PTPRD: variants seen among roughly 807,000 people sequenced by gnomAD.
PTPRD encodes the protein protein tyrosine phosphatase receptor type D, also known as receptor-type tyrosine-protein phosphatase delta.
A neutral mutation model predicts 214.5 loss-of-function variants in PTPRD; 34 were observed. The ratio of observed to expected loss-of-function variants is 0.16; its 90% CI spans 0.12 to 0.21. The LOEUF (loss-of-function observed/expected upper bound fraction) is 0.21. PTPRD is among the 10% of genes least tolerant of loss of function. The pLI, the probability that PTPRD is intolerant of heterozygous loss-of-function variation, is 1.00. For synonymous variants in PTPRD, 1,128 were observed against 845.7 expected, an observed-to-expected ratio of 1.33 and a Z score of -5.79; for missense variants, 2,545 against 2,398.7, an observed-to-expected ratio of 1.06 and a Z score of -1.27.
At chr9:8,460,853 G>A (rs1030086521) in intron 32 of PTPRD, among the ~76,000 whole-genome samples, 2 of 151,924 alleles carry the variant, frequency 1.3e-5, no homozygotes, top group East Asian at 1.9e-4. Context: ...TTTCTATATG[G>A]TGTATTAAAT....
intron 7 of PTPRD, among the ~76,000 whole-genome samples, chr9:9,617,941 G>A (rs1335704954): frequency 6.6e-6 from 1 of 151,060 alleles, no homozygotes; most frequent in Non-Finnish European, 1.5e-5. Flanking sequence ...GCATGGTGGC[G>A]GGCGCCTGCG....
intron 2 of PTPRD, among the ~76,000 whole-genome samples, chr9:10,525,656 C>G: frequency 6.6e-6 from 1 of 151,788 alleles, no homozygotes; most frequent in African/African-American, 2.4e-5. Flanking sequence ...TAAAAATATT[C>G]TCCACACATA....
chr9:9,609,485 CAG>C (rs934865639), intron 7 of PTPRD, among the ~76,000 whole-genome samples: 1 of 152,164 alleles, frequency 6.6e-6, no homozygotes, highest in Non-Finnish European at 1.5e-5. Flanking sequence ...GTTTTTGGGA[CAG>C]AGTCTCGCTC....
chr9:8,472,756 T>C (rs754824982), intron 30 of PTPRD, among the ~76,000 whole-genome samples: 1 of 152,238 alleles, frequency 6.6e-6, no homozygotes, highest in Non-Finnish European at 1.5e-5. Flanking sequence ...ATTTTTTCAC[T>C]GTTGCTACTA....
At chr9:9,810,065 C>T (rs865844632) in intron 5 of PTPRD, among the ~76,000 whole-genome samples, 2 of 148,950 alleles carry the variant, frequency 1.3e-5, no homozygotes, top group Admixed American at 6.7e-5. Flanking sequence ...CTTCCTCCTG[C>T]ACCTCCTCTT....
chr9:9,321,308 C>T (rs1357804803), intron 9 of PTPRD, among the ~76,000 whole-genome samples: 2 of 152,124 alleles, frequency 1.3e-5, no homozygotes, highest in Non-Finnish European at 2.9e-5. Flanking sequence ...GTAATCCCAA[C>T]ACTTTGGGAG....
intron 7 of PTPRD, among the ~76,000 whole-genome samples, chr9:9,683,240 A>G (rs946393591): frequency 6.6e-6 from 1 of 151,804 alleles, no homozygotes; most frequent in South Asian, 2.1e-4. Flanking sequence ...GAAGCTGAAC[A>G]TGAAGTATTA....
At chr9:10,466,253 C>T (rs72700904) in intron 2 of PTPRD, among the ~76,000 whole-genome samples, 18,761 of 152,086 alleles carry the variant, frequency 0.12, 1,266 homozygotes, top group African/African-American at 0.14. Context: ...ATTATACTAG[C>T]GAAATAATGG....
chr9:8,716,578 C>A (rs1026723405), intron 12 of PTPRD, among the ~76,000 whole-genome samples: 2 of 152,146 alleles, frequency 1.3e-5, no homozygotes, highest in South Asian at 2.1e-4. Flanking sequence ...TAGTCGCAGA[C>A]GAGATCCATC....
chr9:10,422,338 C>T (rs1371332647), intron 2 of PTPRD, among the ~76,000 whole-genome samples: 1 of 152,004 alleles, frequency 6.6e-6, no homozygotes, highest in Admixed American at 6.6e-5. Flanking sequence ...AAATGTTAGA[C>T]CTGAAACCAT....
chr9:9,977,159 T>C (rs1009011951), intron 4 of PTPRD, among the ~76,000 whole-genome samples: 4 of 152,200 alleles, frequency 2.6e-5, no homozygotes, highest in Admixed American at 1.3e-4. Context: ...TGCACTTTGG[T>C]GATGTCAGCT....
At position 9,910,715 on chromosome 9, in the gene PTPRD, G is replaced by C. The variant is rs182366138; in HGVS notation, c.-368+27792C>G. Reference sequence around the variant, plus strand: ...GTCATTTTCTTATTAATTACCATGAGATCATTTGATACAAAACTTGAGTTT... The same window carrying C: ...GTCATTTTCTTATTAATTACCATGACATCATTTGATACAAAACTTGAGTTT... On this transcript the variant is annotated intron_variant, in intron 5 of 45. Coordinates refer to ENST00000381196, the MANE Select transcript of PTPRD (RefSeq NM_002839.4). Among the ~76,000 whole-genome samples the C allele has an allele frequency of 3.3e-5, 5 of 152,018 alleles. No individual in the cohort carries two copies. In the East Asian group the frequency reaches 9.6e-4, roughly 29 times the overall value.
At chr9:10,156,074 ATGTTTG>A (rs1400719370) in intron 3 of PTPRD, among the ~76,000 whole-genome samples, 18 of 86,948 alleles carry the variant, frequency 2.1e-4, no homozygotes, top group Non-Finnish European at 3.2e-4. Flanking sequence ...GCTCTTTTGA[ATGTTTG>A]TGTGTGTGTG....
At chr9:9,314,606 G>A (rs543205206) in intron 9 of PTPRD, among the ~76,000 whole-genome samples, 1 of 152,124 alleles carries the variant, frequency 6.6e-6, no homozygotes, top group Admixed American at 6.5e-5. Flanking sequence ...TGTCTCCAGT[G>A]CCTAGTATAG....
intron 9 of PTPRD, among the ~76,000 whole-genome samples, chr9:9,301,017 C>G (rs565492069): frequency 6.6e-6 from 1 of 151,856 alleles, no homozygotes; most frequent in Non-Finnish European, 1.5e-5. Flanking sequence ...TATTGTTCAT[C>G]TATGTCTCAA....
intron 2 of PTPRD, among the ~76,000 whole-genome samples, chr9:10,388,807 G>A (rs115300447): frequency 0.017 from 2,542 of 151,782 alleles, 72 homozygotes; most frequent in African/African-American, 0.058. Context: ...GGAAGTGTGA[G>A]GAATAGAGGT....
intron 9 of PTPRD, among the ~76,000 whole-genome samples, chr9:9,339,247 G>A (rs548585880): frequency 6.6e-6 from 1 of 151,988 alleles, no homozygotes; most frequent in African/African-American, 2.4e-5. Context: ...GGAGGCCGAG[G>A]CAGGTGGATC....
rs187194609 is a variant in PTPRD, at chr9:8,552,042, A to G, written c.353-23263T>C. Among the ~76,000 whole-genome samples the G allele has an allele frequency of 1.7e-3, 255 of 152,200 alleles. 4 individuals carry two copies. The highest frequency in any genetic ancestry group is 0.015 in the Admixed American group (235 of 15,284). On this transcript the variant is annotated intron_variant, in intron 14 of 45. Transcript: ENST00000381196. ...TTCTGGCAATACTGCCCCCATACCC[A>G]CCATATATTTTAAAGGAAGCTATCA...
intron 7 of PTPRD, among the ~76,000 whole-genome samples, chr9:9,614,249 G>A (rs2094715542): frequency 6.6e-6 from 1 of 152,182 alleles, no homozygotes; most frequent in South Asian, 2.1e-4. Flanking sequence ...GATTACCAGT[G>A]TGATACATTC....
Sources: gnomAD v4.1 joint callset for allele counts (sites outside exome capture counted in the v4.1 genomes callset) on GRCh38, gnomAD v4.1.1 for gene constraint, MANE v1.5 for transcripts, NCBI Gene and HGNC (gene_info 2026-07-23, HGNC 2026-07-21) for gene names.